CSMD2: variants seen among roughly 807,000 people sequenced by gnomAD.
CSMD2 encodes CUB and Sushi multiple domains 2.
In CSMD2, 130 loss-of-function variants were observed where a neutral mutation model predicts 398.5. The observed-to-expected ratio is 0.33, with a 90% CI of 0.28 to 0.38. The LOEUF (loss-of-function observed/expected upper bound fraction) is 0.38. Among genes scored for constraint, CSMD2 ranks in the 10% least tolerant of loss-of-function variants. The pLI is 1.00. For missense variants in CSMD2, 3,829 were observed against 4,764.9 expected (o/e 0.80, Z 5.78); for synonymous variants, 1,828 against 1,908.5 (o/e 0.96, Z 1.10).
At chr1:33,652,577 A>C in intron 27 of CSMD2, 116 bp from the exon 28 acceptor site, 1 of 1,230,260 alleles carries the variant, frequency 8.1e-7, no homozygotes, top group African/African-American at 1.5e-5. Context: ...CTGAAGTTGA[A>C]CCTGGCTTAG....
chr1:33,854,227 C>A (rs756813321), intron 5 of CSMD2, among the ~76,000 whole-genome samples: 9 of 152,230 alleles, frequency 5.9e-5, no homozygotes, highest in African/African-American at 9.6e-5. Context: ...GTGCTTCTCT[C>A]ACCATGCATT....
At chr1:34,139,536 T>C (rs968462003) in intron 1 of CSMD2, among the ~76,000 whole-genome samples, 3 of 152,228 alleles carry the variant, frequency 2.0e-5, no homozygotes, top group Non-Finnish European at 4.4e-5. Flanking sequence ...TTTGTGGCAA[T>C]TTTGTTATAG....
At chr1:34,098,076 T>G (rs1659550201) in intron 1 of CSMD2, among the ~76,000 whole-genome samples, 1 of 84,226 alleles carries the variant, frequency 1.2e-5, no homozygotes. Flanking sequence ...TGGAATACTA[T>G]GCAGCCATAA....
chr1:33,610,639 T>C (rs942877653), intron 41 of CSMD2, among the ~76,000 whole-genome samples: 3 of 152,268 alleles, frequency 2.0e-5, no homozygotes, highest in South Asian at 4.2e-4. Context: ...CATCCTGTCA[T>C]AGGAAGAGCT....
At chr1:33,646,013 T>C (rs1034073938) in intron 29 of CSMD2, among the ~76,000 whole-genome samples, 12 of 152,232 alleles carry the variant, frequency 7.9e-5, no homozygotes, top group African/African-American at 2.9e-4. Flanking sequence ...ACCTACAATA[T>C]TTACTATTTT....
intron 43 of CSMD2, among the ~76,000 whole-genome samples, chr1:33,601,364 C>A (rs528886165): frequency 9.9e-5 from 15 of 152,240 alleles, no homozygotes; most frequent in Non-Finnish European, 1.8e-4. Flanking sequence ...GGTGTGAAAA[C>A]CTGCTGCTAT....
chr1:33,794,436 C>T (rs1037311347), intron 10 of CSMD2, among the ~76,000 whole-genome samples: 4 of 152,090 alleles, frequency 2.6e-5, no homozygotes, highest in African/African-American at 9.7e-5. Flanking sequence ...TGGAGTTCAA[C>T]CAATGGATAT....
Position 33,714,716 on chromosome 1 carries a change from A to T in CSMD2, c.3277T>A (p.Leu1093Met). 4 of 1,614,160 alleles carry T rather than the reference A, an allele frequency of 2.5e-6. No individual in the cohort carries two copies. The highest frequency in any genetic ancestry group is 1.3e-5 in the African/African-American group (1 of 75,066). ...EVPAYSIRKG[L>M]QFGVGDTLTF... Reference sequence around the variant, plus strand: ...AAGGTGTCGCCCACGCCAAACTGCAAGCCCTTCCGGATGCTGTAGGCTGGG... The same window carrying T: ...AAGGTGTCGCCCACGCCAAACTGCATGCCCTTCCGGATGCTGTAGGCTGGG... Residue 1093 changes from leucine (L) to methionine (M), a missense_variant, in exon 21 of 71, where the codon TTG becomes ATG. Around this residue, in one of 5 missense-constraint regions of CSMD2, gnomAD observed 2,001 missense variants for 2,567.1 expected, o/e 0.78. Transcript: ENST00000373381.
At chr1:33,588,165 G>A (rs774933639) in intron 44 of CSMD2, among the ~76,000 whole-genome samples, 15 of 152,066 alleles carry the variant, frequency 9.9e-5, no homozygotes, top group Non-Finnish European at 2.1e-4. Flanking sequence ...ATGTTATATA[G>A]CTTGTGTTGA....
chr1:33,662,264 A>T (rs1051447300), intron 26 of CSMD2, among the ~76,000 whole-genome samples: 2 of 152,152 alleles, frequency 1.3e-5, no homozygotes, highest in African/African-American at 4.8e-5. Context: ...CACTCAACTA[A>T]GAACCTGAGC....
At chr1:33,517,590 A>G (rs1557468434) in intron 70 of CSMD2, among the ~76,000 whole-genome samples, 1 of 152,208 alleles carries the variant, frequency 6.6e-6, no homozygotes, top group Admixed American at 6.5e-5. Context: ...TCTGAGAAGG[A>G]AAAAATAAAG....
At chr1:34,092,467 G>C (rs1658692056) in intron 1 of CSMD2, among the ~76,000 whole-genome samples, 2 of 152,156 alleles carry the variant, frequency 1.3e-5, no homozygotes, top group Admixed American at 1.3e-4. Flanking sequence ...GGCAGAAGAG[G>C]GGTGATTTCT....
At position 33,600,906 on chromosome 1, in the gene CSMD2, C is replaced by G; in HGVS notation, c.6815G>C (p.Arg2272Pro). 6.2e-7 allele frequency: 1 copy of G among 1,614,126 alleles called. No individual in the cohort carries two copies. The highest frequency in any genetic ancestry group is 1.1e-5 in the South Asian group (1 of 91,078). Residue 2272 changes from arginine (R) to proline (P), a missense_variant, in exon 44 of 71, where the codon CGT becomes CCT. Physicochemically the swap from Arg to Pro is moderately radical, Grantham distance 103 (BLOSUM62 -2). Around this residue, in one of 5 missense-constraint regions of CSMD2, gnomAD observed 723 missense variants for 758.6 expected, o/e 0.95. Coordinates refer to ENST00000373381, the MANE Select transcript of CSMD2 (RefSeq NM_001281956.2). ...GAAGATCCCCCCTGTGGCTGCATCA[C>G]GGTGGAACTTGAGCAGGACCTGGTT... Reference protein sequence around the residue: ...SSNQVLLKFHRDAATGGIFAI... With the variant: ...SSNQVLLKFHPDAATGGIFAI...
At chr1:33,858,531 G>A (rs935645617) in intron 5 of CSMD2, among the ~76,000 whole-genome samples, 1 of 152,096 alleles carries the variant, frequency 6.6e-6, no homozygotes. Context: ...CTCTTTTCAC[G>A]CTTCCAGGCT....
chr1:33,586,712 T>C (rs995412189), intron 45 of CSMD2, 95 bp from the exon 46 acceptor site: 6 of 770,512 alleles, frequency 7.8e-6, no homozygotes, highest in South Asian at 7.5e-5. Flanking sequence ...AGGCGGGTCA[T>C]GTTCTGTTCA....
intron 66 of CSMD2, 105 bp downstream of exon 66, chr1:33,524,777 T>C: frequency 8.5e-7 from 1 of 1,172,330 alleles, no homozygotes; most frequent in Non-Finnish European, 1.2e-6. Context: ...ACCAGACAAG[T>C]CTGAGCCTTG....
chr1:33,665,549 C>T (rs973745986), intron 25 of CSMD2, among the ~76,000 whole-genome samples: 1 of 137,866 alleles, frequency 7.3e-6, no homozygotes, highest in Admixed American at 8.0e-5. Context: ...CTCACTACAA[C>T]CTCCTGAGTA....
intron 12 of CSMD2, among the ~76,000 whole-genome samples, chr1:33,780,077 C>T (rs928978134): frequency 2.6e-5 from 4 of 152,068 alleles, no homozygotes; most frequent in Non-Finnish European, 5.9e-5. Context: ...GGGCTTGGTT[C>T]GATGAGTAAT....
intron 1 of CSMD2, among the ~76,000 whole-genome samples, chr1:34,129,159 T>G (rs935041011): frequency 6.6e-6 from 1 of 152,152 alleles, no homozygotes; most frequent in African/African-American, 2.4e-5. Context: ...TCAGTGCCCT[T>G]CTGGAAGAAT....
Sources: allele counts gnomAD v4.1 joint callset (sites outside exome capture counted in the v4.1 genomes callset), GRCh38; gene constraint gnomAD v4.1.1; regional missense constraint gnomAD v4.1.1; transcripts MANE v1.5; gene names NCBI Gene and HGNC (gene_info 2026-07-23, HGNC 2026-07-21).